Variants in MBIP observed in about 807,000 individuals in gnomAD.
The protein encoded by MBIP is MAP3K12-binding inhibitory protein 1.
Under a neutral mutation model 45.7 loss-of-function variants are expected in MBIP, and 32 were observed. The ratio of observed to expected loss-of-function variants is 0.70; its 90% CI spans 0.53 to 0.94. MBIP has a LOEUF of 0.94. Ranked by LOEUF, MBIP falls within the 40% of genes least tolerant of loss-of-function variation. The pLI is 0.00. For missense variants in MBIP, 381 were observed against 405.5 expected, an observed-to-expected ratio of 0.94 and a Z score of 0.52; for synonymous variants, 145 against 141.0, an observed-to-expected ratio of 1.03 and a Z score of -0.20.
intron 6 of MBIP, among the ~76,000 whole-genome samples, chr14:36,309,919 C>G (rs1026091210): frequency 1.3e-5 from 2 of 152,140 alleles, no homozygotes; most frequent in Admixed American, 1.3e-4. Context: ...TATAGGCACA[C>G]ACCACTACAC....
In MBIP at chr14:36,320,541, G is replaced by C. The variant is rs1043733116; in HGVS notation, c.48C>G (p.Asn16Lys). 2 of 1,613,606 alleles carry C rather than the reference G, an allele frequency of 1.2e-6. No individual in the cohort carries two copies. The highest frequency in any genetic ancestry group is 1.7e-6 in the Non-Finnish European group (2 of 1,179,830). ...GGTTGGGTCTGCATCTTCGCTCCAG[G>C]TTCCTGTCACCGCTGCTCGGGCGAT... is the stretch of plus-strand genomic sequence containing the variant. Reference protein sequence around the residue: ...ELNRPSSGDRNLERRCRPNLS... With the variant: ...ELNRPSSGDRKLERRCRPNLS... Residue 16 changes from asparagine (N) to lysine (K), a missense_variant, in exon 1 of 9, where the codon AAC (asparagine) becomes AAG (lysine). Asn to Lys is a moderately conservative substitution (Grantham distance 94). Transcript: ENST00000416007.
chr14:36,319,308 G>C (rs1395748802), intron 1 of MBIP, among the ~76,000 whole-genome samples: 2 of 152,018 alleles, frequency 1.3e-5, no homozygotes, highest in Non-Finnish European at 2.9e-5. Flanking sequence ...TCTTAAGAAT[G>C]GAATGTTAAT....
chr14:36,314,361 A>G, intron 4 of MBIP, 151 bp downstream of exon 4: 1 of 561,618 alleles, frequency 1.8e-6, no homozygotes, highest in Non-Finnish European at 3.1e-6. Context: ...ATTAAGCAGA[A>G]GGAAACTCTA....
intron 7 of MBIP, among the ~76,000 whole-genome samples, chr14:36,302,675 A>G (rs1038338223): frequency 6.6e-6 from 1 of 152,036 alleles, no homozygotes; most frequent in Non-Finnish European, 1.5e-5. Context: ...AAACAGTAAA[A>G]TGTGGCCTTT....
At chr14:36,309,079 C>CT (rs1254771005) in intron 6 of MBIP, among the ~76,000 whole-genome samples, 1 of 152,134 alleles carries the variant, frequency 6.6e-6, no homozygotes, top group East Asian at 1.9e-4. Context: ...CACTTGATTA[C>CT]TTTTTTTCTG....
chr14:36,303,359 C>T (rs550713269), intron 7 of MBIP, among the ~76,000 whole-genome samples: 11 of 152,226 alleles, frequency 7.2e-5, no homozygotes, highest in African/African-American at 2.4e-4. Context: ...AGTCATGCAC[C>T]GCTTAATGAT....
At chr14:36,300,868 C>A in intron 7 of MBIP, 45 bp from the exon 8 acceptor site, 2 of 1,220,158 alleles carry the variant, frequency 1.6e-6, no homozygotes, top group Non-Finnish European at 2.3e-6. Flanking sequence ...ATCTAAGCAT[C>A]ATTTTTTTTT....
intron 7 of MBIP, among the ~76,000 whole-genome samples, chr14:36,307,305 T>C (rs186600146): frequency 2.0e-5 from 3 of 152,322 alleles, no homozygotes; most frequent in African/African-American, 7.2e-5. Flanking sequence ...CTAACTTATA[T>C]GATCCATGCT....
chr14:36,299,166 C>T lies in MBIP; in HGVS notation c.952G>A (p.Asp318Asn), dbSNP rs868073530. ...PQQNYSLAEL[D>N]EKISALKQAL... ...TGTTTGAGGGCACTAATTTTCTCATCAAGTTCAGCCAGTGAATAGTTCTGC... is the reference window on the plus strand; with the variant it reads ...TGTTTGAGGGCACTAATTTTCTCATTAAGTTCAGCCAGTGAATAGTTCTGC... The change falls in exon 9 of 9, where the codon GAT becomes AAT. Residue 318 changes from aspartate (D) to asparagine (N), a missense_variant. Coordinates refer to ENST00000416007, the MANE Select transcript of MBIP (RefSeq NM_016586.3). 10 of 1,613,490 alleles carry T rather than the reference C, an allele frequency of 6.2e-6. No individual in the cohort carries two copies. The highest frequency in any genetic ancestry group is 3.3e-5 in the Admixed American group (2 of 59,982).
intron 1 of MBIP, among the ~76,000 whole-genome samples, chr14:36,317,650 T>C (rs1880653416): frequency 6.6e-6 from 1 of 152,214 alleles, no homozygotes; most frequent in South Asian, 2.1e-4. Context: ...GTGAAAATTT[T>C]ACAATGAGAG....
intron 7 of MBIP, 87 bp from the exon 8 acceptor site, chr14:36,300,910 C>A (rs1879507781): frequency 9.1e-6 from 7 of 766,108 alleles, no homozygotes; most frequent in Non-Finnish European, 1.2e-5. Context: ...TTATGTACAG[C>A]CTTGGGAACC....
intron 7 of MBIP, among the ~76,000 whole-genome samples, chr14:36,305,821 A>C (rs1304911616): frequency 2.6e-5 from 4 of 152,180 alleles, no homozygotes; most frequent in Non-Finnish European, 5.9e-5. Flanking sequence ...TCCAACCAGA[A>C]ACTGGACTCT....
At position 36,320,609 on chromosome 14, in the gene MBIP, C is replaced by T; in HGVS notation, c.-21G>A. ...GCCATGATATCTTCTCAGGCCGCCC[C>T]ACCACCACCACCACCAAGATTTGCT... On this transcript the variant is annotated 5_prime_UTR_variant, in exon 1 of 9. Transcript: ENST00000416007. The T allele has an allele frequency of 6.9e-7, 1 of 1,456,080 alleles. No individual in the cohort carries two copies. 90.2% of individuals were successfully genotyped at this position (1,456,080 alleles called of 1,614,324 possible). A position where few individuals can be genotyped will look rare whatever the true frequency, so the allele number is the denominator to read the frequency against.
intron 7 of MBIP, among the ~76,000 whole-genome samples, chr14:36,306,241 C>T (rs7159366): frequency 0.81 from 123,480 of 151,592 alleles, 53,617 homozygotes; most frequent in East Asian, 0.96. Context: ...TTTTGTTAAA[C>T]ACATCTATAA....
At chr14:36,309,391 T>C (rs1003727833) in intron 6 of MBIP, among the ~76,000 whole-genome samples, 1 of 152,214 alleles carries the variant, frequency 6.6e-6, no homozygotes, top group South Asian at 2.1e-4. Flanking sequence ...GTTCATTAGG[T>C]AGGGCTGTGC....
rs558858229 is a variant in MBIP at position 36,302,423 on chromosome 14, C to T, written c.889-1600G>A. On this transcript the variant is annotated intron_variant, in intron 7 of 8. Coordinates refer to ENST00000416007, the MANE Select transcript of MBIP (RefSeq NM_016586.3). ...AGGAGAATGGCATGAACCCGGGAGG[C>T]GGAGGTTGCAGTGAGCCGAGACTGC... Among the ~76,000 whole-genome samples the T allele has an allele frequency of 4.3e-5, 6 of 141,124 alleles. No individual in the cohort carries two copies. The East Asian group carries it at 6.6e-4, about 15-fold the overall frequency. The allele number at this position is 141,124 out of a possible 152,430, so 92.6% of individuals were successfully genotyped here. A position where few individuals can be genotyped will look rare whatever the true frequency, so the allele number is the denominator to read the frequency against.
intron 1 of MBIP, chr14:36,319,723 A>T (rs956967014): frequency 2.0e-5 from 4 of 195,164 alleles, no homozygotes; most frequent in Non-Finnish European, 4.4e-5. Flanking sequence ...CATACTTTTA[A>T]ATTGTTTCTC....
At chr14:36,310,172 T>C (rs1880118798) in intron 6 of MBIP, among the ~76,000 whole-genome samples, 1 of 152,202 alleles carries the variant, frequency 6.6e-6, no homozygotes, top group Non-Finnish European at 1.5e-5. Context: ...ACCCATCCAC[T>C]TCTGAGGGAA....
At position 36,311,718 on chromosome 14, in the gene MBIP, T is replaced by A; in HGVS notation, c.645A>T (p.Arg215Ser). The A allele has an allele frequency of 6.3e-7, 1 of 1,590,206 alleles. No individual in the cohort carries two copies. Among genetic ancestry groups the A allele is most frequent in the Non-Finnish European group, 8.5e-7 (1 of 1,170,770 alleles). ...TCTGTGGTCCGTATGTATTCACAAC[T>A]CTAGAAACTAAATTAAGAAACTTTT... ...PGFKSHVKVS[R>S]VVNTYGPQTR... The change falls in exon 6 of 9, where the codon AGA (arginine) becomes AGT (serine). Residue 215 changes from arginine (R) to serine (S), a missense_variant. Transcript: ENST00000416007.
Sources: allele counts gnomAD v4.1 joint callset (sites outside exome capture counted in the v4.1 genomes callset), GRCh38; gene constraint gnomAD v4.1.1; transcripts MANE v1.5; gene names NCBI Gene and HGNC (gene_info 2026-07-23, HGNC 2026-07-21).